ANKRD16: variants seen among roughly 807,000 people sequenced by gnomAD.
The protein encoded by ANKRD16 is ankyrin repeat domain 16.
A neutral mutation model predicts 37.9 loss-of-function variants in ANKRD16; 35 were observed. That is an observed-to-expected ratio of 0.92 (90% CI 0.71 to 1.23). The LOEUF (loss-of-function observed/expected upper bound fraction) is 1.23, where lower values mean the gene tolerates loss of function less well. Among genes scored for constraint, ANKRD16 ranks in the 50% most tolerant of loss-of-function variants. The pLI, the probability that ANKRD16 is intolerant of heterozygous loss-of-function variation, is 0.00. For missense variants in ANKRD16, 480 were observed against 469.9 expected (o/e 1.02, Z -0.20); for synonymous variants, 206 against 197.2 (o/e 1.04, Z -0.37).
In ANKRD16 at chr10:5,866,529, G is replaced by C. The variant is rs1208905220; in HGVS notation, c.*34-3838C>G. ...AGGAGAATAAATGTGTATACAGATAGCAAGTATGCTTATCTAATCCTACAT... is the reference window on the plus strand; with the variant it reads ...AGGAGAATAAATGTGTATACAGATACCAAGTATGCTTATCTAATCCTACAT... On this transcript the variant is annotated intron_variant, in intron 7 of 7. Coordinates refer to ENST00000380094, the MANE Select transcript of ANKRD16 (RefSeq NM_019046.3). The surrounding 1 kb of genome is among the most constrained non-coding windows in gnomAD (Gnocchi z 4.3). 6.6e-6 allele frequency among the ~76,000 whole-genome samples: 1 copy of C among 152,244 alleles called. No individual in the cohort carries two copies. Among genetic ancestry groups the C allele is most frequent in the African/African-American group, 2.4e-5 (1 of 41,464 alleles).
intron 5 of ANKRD16, among the ~76,000 whole-genome samples, chr10:5,882,402 C>T (rs1842330782): frequency 1.3e-5 from 2 of 151,086 alleles, no homozygotes. Context: ...ATTAGCCAGG[C>T]ATGGTGGCAG....
chr10:5,872,842 C>T lies in ANKRD16; in HGVS notation c.*33+5255G>A, dbSNP rs541440610. Among the ~76,000 whole-genome samples, 520 of 151,222 alleles carry T rather than the reference C, an allele frequency of 3.4e-3. 3 individuals carry two copies. Among genetic ancestry groups the T allele is most frequent in the Non-Finnish European group, 5.2e-3 (354 of 67,850 alleles). ...AAGTGCTGGCATTACAGGCGTGAGCCACCGCGCCCGGCCCTGCATTTTATT... is the reference window on the plus strand; with the variant it reads ...AAGTGCTGGCATTACAGGCGTGAGCTACCGCGCCCGGCCCTGCATTTTATT... On this transcript the variant is annotated intron_variant, in intron 7 of 7. Coordinates refer to ENST00000380094, the MANE Select transcript of ANKRD16 (RefSeq NM_019046.3).
At chr10:5,886,214 T>C (rs1842420589) in intron 2 of ANKRD16, among the ~76,000 whole-genome samples, 1 of 152,384 alleles carries the variant, frequency 6.6e-6, no homozygotes, top group African/African-American at 2.4e-5. Flanking sequence ...GAGTGCTGAT[T>C]GTTTCTCCAG....
Position 5,870,080 on chromosome 10 carries a change from C to T in ANKRD16, c.*34-7389G>A, listed in dbSNP as rs1309320896. Among the ~76,000 whole-genome samples, 1 of 152,116 alleles carries T rather than the reference C, an allele frequency of 6.6e-6. No individual in the cohort carries two copies. The highest frequency in any genetic ancestry group is 6.5e-5 in the Admixed American group (1 of 15,274). ...ACAGACATTAGACTCATTCCTCCTC[C>T]TCACTTTCTGTTGGACCATTCTCTC... On this transcript the variant is annotated intron_variant, in intron 7 of 7. Transcript: ENST00000380094. This position sits in a 1 kb window ranked among gnomAD's most constrained non-coding sequence, Gnocchi z 5.0.
Position 5,862,337 on chromosome 10 carries a change from C to T in ANKRD16, c.*388G>A, listed in dbSNP as rs7913112. ...TGTTTTTGTGTTTCTTTCTTTCTGT[C>T]GGTGGTTCCTGAGGGTTGTGACGAT... On this transcript the variant is annotated 3_prime_UTR_variant, in exon 8 of 8. Coordinates refer to ENST00000380094, the MANE Select transcript of ANKRD16 (RefSeq NM_019046.3). This position sits in a 1 kb window ranked among gnomAD's most constrained non-coding sequence, Gnocchi z 6.5. 4,878 of 424,428 alleles carry T rather than the reference C, an allele frequency of 0.011. 212 individuals carry two copies. The highest frequency in any genetic ancestry group is 0.091 in the African/African-American group (4,409 of 48,266). The allele number at this position is 424,428 out of a possible 1,614,324, so 26.3% of individuals were successfully genotyped here.
chr10:5,869,658 G>A lies in ANKRD16; in HGVS notation c.*34-6967C>T, dbSNP rs1480842641. On this transcript the variant is annotated intron_variant, in intron 7 of 7. Transcript: ENST00000380094. This position sits in a 1 kb window ranked among gnomAD's most constrained non-coding sequence, Gnocchi z 4.0. The stretch of plus-strand genomic sequence containing the variant: ...TGCTCAGCTTTCCCTCTTGAGGCTG[G>A]GGAGGAACCGGCAGGGTGAACGCGA... 6.6e-6 allele frequency among the ~76,000 whole-genome samples: 1 copy of A among 151,906 alleles called. No individual in the cohort carries two copies. The highest frequency in any genetic ancestry group is 1.5e-5 in the Non-Finnish European group (1 of 67,982).
chr10:5,884,267 T>C (rs989118960), intron 3 of ANKRD16, among the ~76,000 whole-genome samples, 190 bp from the exon 4 acceptor site: 3 of 152,244 alleles, frequency 2.0e-5, no homozygotes, highest in Non-Finnish European at 4.4e-5. Context: ...TGGTCTTCCC[T>C]AGCAGACCTG....
At chr10:5,872,812 T>A (rs571444189) in intron 7 of ANKRD16, among the ~76,000 whole-genome samples, 2 of 151,806 alleles carry the variant, frequency 1.3e-5, no homozygotes, top group Non-Finnish European at 2.9e-5. Context: ...CCCCTTGGCC[T>A]CCCAAAGTGC....
rs1159409622 is a variant in ANKRD16, at chr10:5,863,723, G to A, written c.*34-1032C>T. On this transcript the variant is annotated intron_variant, in intron 7 of 7. Coordinates refer to ENST00000380094, the MANE Select transcript of ANKRD16 (RefSeq NM_019046.3). This position sits in a 1 kb window ranked among gnomAD's most constrained non-coding sequence, Gnocchi z 4.7. ...AACTTTAAGAGCCATAACACTCACC[G>A]TGAGGGTCTGCGGCTTCATTCCTGA... Among the ~76,000 whole-genome samples the A allele has an allele frequency of 2.0e-5, 3 of 152,062 alleles. No homozygotes were observed. Among genetic ancestry groups the A allele is most frequent in the African/African-American group, 7.3e-5 (3 of 41,360 alleles).
rs1311925891 is a variant in ANKRD16, at chr10:5,869,716, T to C, written c.*34-7025A>G. ...TCCTCATGCACAAGAAGCTACTCAA[T>C]GCAGCAGCTATGGCCGCCCCTGGGA... is the stretch of plus-strand genomic sequence containing the variant. On this transcript the variant is annotated intron_variant, in intron 7 of 7. Coordinates refer to ENST00000380094, the MANE Select transcript of ANKRD16 (RefSeq NM_019046.3). The surrounding 1 kb of genome is among the most constrained non-coding windows in gnomAD (Gnocchi z 4.0). Among the ~76,000 whole-genome samples the C allele has an allele frequency of 7.7e-6, 1 of 130,350 alleles. No individual in the cohort carries two copies. Among genetic ancestry groups the C allele is most frequent in the East Asian group, 2.5e-4 (1 of 4,056 alleles). 85.5% of individuals were successfully genotyped at this position (130,350 alleles called of 152,430 possible). A position where few individuals can be genotyped will look rare whatever the true frequency, so the allele number is the denominator to read the frequency against.
Position 5,886,152 on chromosome 10 carries a change from C to T in ANKRD16, c.536-387G>A, listed in dbSNP as rs560747190. 4.6e-5 allele frequency among the ~76,000 whole-genome samples: 7 copies of T among 152,322 alleles called. No individual in the cohort carries two copies. The South Asian group carries it at 1.2e-3, about 27-fold the overall frequency. On this transcript the variant is annotated intron_variant, in intron 2 of 7. Transcript: ENST00000380094. ...GATTTAATTCCCCTACTAAAAGTAACTATACTCAAAGGTTATGACTATTTG... is the reference window on the plus strand; with the variant it reads ...GATTTAATTCCCCTACTAAAAGTAATTATACTCAAAGGTTATGACTATTTG...
intron 2 of ANKRD16, among the ~76,000 whole-genome samples, chr10:5,887,033 A>G (rs1842434638): frequency 6.6e-6 from 1 of 152,258 alleles, no homozygotes; most frequent in African/African-American, 2.4e-5. Context: ...TTTAAGAGTA[A>G]GAATGTAAAC....
chr10:5,874,657 G>A lies in ANKRD16; in HGVS notation c.*33+3440C>T, dbSNP rs1403600450. Among the ~76,000 whole-genome samples, 2 of 152,192 alleles carry A rather than the reference G, an allele frequency of 1.3e-5. No individual in the cohort carries two copies. The highest frequency in any genetic ancestry group is 4.8e-5 in the African/African-American group (2 of 41,442). On this transcript the variant is annotated intron_variant, in intron 7 of 7. Transcript: ENST00000380094. This position sits in a 1 kb window ranked among gnomAD's most constrained non-coding sequence, Gnocchi z 4.7. ...AGGAATGCAGGCCTGTATGTCAGTGGGTTGTGGGGAAGGCTGGGTTTTGAA... is the reference window on the plus strand; with the variant it reads ...AGGAATGCAGGCCTGTATGTCAGTGAGTTGTGGGGAAGGCTGGGTTTTGAA...
chr10:5,862,729 T>C lies in ANKRD16; in HGVS notation c.*34-38A>G, dbSNP rs150254423. 8.2e-4 allele frequency: 1,045 copies of C among 1,272,504 alleles called. 4 individuals are homozygous for C. The East Asian group carries it at 0.014, about 17-fold the overall frequency. 78.8% of individuals were successfully genotyped at this position (1,272,504 alleles called of 1,614,324 possible). A position where few individuals can be genotyped will look rare whatever the true frequency, so the allele number is the denominator to read the frequency against. ...AGTTATTATCATCTCAGTTTACAGA[T>C]GAAACAGAAGCTCAGAGAGGGCAAG... On this transcript the variant is annotated intron_variant, in intron 7 of 7. Coordinates refer to ENST00000380094, the MANE Select transcript of ANKRD16 (RefSeq NM_019046.3). The surrounding 1 kb of genome is among the most constrained non-coding windows in gnomAD (Gnocchi z 6.5).
At position 5,875,149 on chromosome 10, in the gene ANKRD16, A is replaced by G. The variant is rs201937990; in HGVS notation, c.*33+2948T>C. Among the ~76,000 whole-genome samples the G allele has an allele frequency of 4.6e-5, 7 of 152,294 alleles. No individual in the cohort carries two copies. The East Asian group carries it at 1.3e-3, about 29-fold the overall frequency. On this transcript the variant is annotated intron_variant, in intron 7 of 7. Coordinates refer to ENST00000380094, the MANE Select transcript of ANKRD16 (RefSeq NM_019046.3). Reference sequence around the variant, plus strand: ...TGCCTATGAGCTGAGGGTATCAAGTAGAGACTCTTCATGAAAGTGTGTATG... The same window carrying G: ...TGCCTATGAGCTGAGGGTATCAAGTGGAGACTCTTCATGAAAGTGTGTATG...
intron 2 of ANKRD16, among the ~76,000 whole-genome samples, chr10:5,886,318 C>G (rs1371605609): frequency 1.3e-5 from 2 of 152,240 alleles, no homozygotes; most frequent in East Asian, 3.8e-4. Flanking sequence ...TAATTGCCAA[C>G]TGTGGCTCAT....
Position 5,863,422 on chromosome 10 carries a change from C to A in ANKRD16, c.*34-731G>T, listed in dbSNP as rs1169714364. Among the ~76,000 whole-genome samples the A allele has an allele frequency of 1.3e-5, 2 of 152,026 alleles. No homozygotes were observed. Among genetic ancestry groups the A allele is most frequent in the Non-Finnish European group, 2.9e-5 (2 of 68,022 alleles). ...CTGTGTAGCTAAAGGATTGTAAATG[C>A]ACCAATCAGCACTCTGTAAAAATGT... On this transcript the variant is annotated intron_variant, in intron 7 of 7. Transcript: ENST00000380094. The surrounding 1 kb of genome is among the most constrained non-coding windows in gnomAD (Gnocchi z 4.7).
At chr10:5,875,068 A>T (rs1424433529) in intron 7 of ANKRD16, among the ~76,000 whole-genome samples, 1 of 152,158 alleles carries the variant, frequency 6.6e-6, no homozygotes, top group Non-Finnish European at 1.5e-5. Flanking sequence ...TGGTATCTGA[A>T]AGGAAGAGTC....
rs562592821 is a variant in ANKRD16 at position 5,871,034 on chromosome 10, C to T, written c.*33+7063G>A. The stretch of plus-strand genomic sequence containing the variant: ...TCACACAGGCCAATCAAGTCCCTGT[C>T]GTCACCACGATTGGCAGAGGCCAGC... On this transcript the variant is annotated intron_variant, in intron 7 of 7. Transcript: ENST00000380094. This position sits in a 1 kb window ranked among gnomAD's most constrained non-coding sequence, Gnocchi z 4.5. 6.6e-5 allele frequency among the ~76,000 whole-genome samples: 10 copies of T among 152,308 alleles called. No homozygotes were observed. The East Asian group carries it at 1.7e-3, about 26-fold the overall frequency.
Sources: allele counts gnomAD v4.1 joint callset (sites outside exome capture counted in the v4.1 genomes callset), GRCh38; gene constraint gnomAD v4.1.1; non-coding constraint Gnocchi (gnomAD v3.1); transcripts MANE v1.5; gene names NCBI Gene and HGNC (gene_info 2026-07-23, HGNC 2026-07-21).